GAB2: variants seen among roughly 807,000 people sequenced by gnomAD.
The protein encoded by GAB2 is GRB2-associated-binding protein 2.
In GAB2, 26 loss-of-function variants were observed where a neutral mutation model predicts 65.5. That is an observed-to-expected ratio of 0.40 (90% CI 0.29 to 0.55). The LOEUF (loss-of-function observed/expected upper bound fraction) is 0.55. Among genes scored for constraint, GAB2 ranks in the 20% least tolerant of loss-of-function variants. The pLI is 0.53. For missense variants in GAB2, 884 were observed against 875.8 expected (o/e 1.01, Z -0.12); for synonymous variants, 321 against 329.6 (o/e 0.97, Z 0.28).
chr11:78,403,176 C>T (rs1856996529), intron 1 of GAB2, among the ~76,000 whole-genome samples: 1 of 152,226 alleles, frequency 6.6e-6, no homozygotes, highest in South Asian at 2.1e-4. Flanking sequence ...TTTGTTATAG[C>T]AGCCTGAATG....
At chr11:78,357,083 G>A (rs2134712173) in intron 1 of GAB2, among the ~76,000 whole-genome samples, 1 of 152,290 alleles carries the variant, frequency 6.6e-6, no homozygotes, top group South Asian at 2.1e-4. Flanking sequence ...GGATGGTGGT[G>A]ATGGTCATGC....
chr11:78,394,051 G>A (rs1286199828), intron 1 of GAB2, among the ~76,000 whole-genome samples: 1 of 152,242 alleles, frequency 6.6e-6, no homozygotes, highest in Non-Finnish European at 1.5e-5. Flanking sequence ...CACTTTGGGA[G>A]GCCGTGGCAG....
At chr11:78,254,866 T>G (rs1865554879) in intron 2 of GAB2, among the ~76,000 whole-genome samples, 1 of 151,958 alleles carries the variant, frequency 6.6e-6, no homozygotes, top group Non-Finnish European at 1.5e-5. Context: ...CAAAGCTGTT[T>G]TGGCACTAAA....
rs1358518147 is a variant in GAB2 at position 78,234,088 on chromosome 11, C to A, written c.621-7037G>T. On this transcript the variant is annotated intron_variant, in intron 3 of 9. Coordinates refer to ENST00000361507, the MANE Select transcript of GAB2 (RefSeq NM_080491.3). ...TTCTTCTAGAAGTTTCTTTTCTTTT[C>A]TTTTTATTTAAATACAGGGTCTTAT... Among the ~76,000 whole-genome samples the A allele has an allele frequency of 2.0e-5, 3 of 152,034 alleles. No individual in the cohort carries two copies. The East Asian group carries it at 5.8e-4, about 29-fold the overall frequency.
intron 1 of GAB2, among the ~76,000 whole-genome samples, chr11:78,297,899 A>C (rs1289458067): frequency 6.6e-6 from 1 of 152,184 alleles, no homozygotes; most frequent in African/African-American, 2.4e-5. Flanking sequence ...CACATTTTAC[A>C]AATGCTTAGA....
At chr11:78,363,041 C>G (rs1856454422) in intron 1 of GAB2, among the ~76,000 whole-genome samples, 1 of 152,086 alleles carries the variant, frequency 6.6e-6, no homozygotes, top group East Asian at 1.9e-4. Context: ...AAACAACCTC[C>G]CAGTAACTAA....
chr11:78,347,250 T>C (rs1856206744), intron 1 of GAB2, among the ~76,000 whole-genome samples: 3 of 152,180 alleles, frequency 2.0e-5, no homozygotes, highest in South Asian at 2.1e-4. Context: ...GTTTCCAACA[T>C]GCTTGCTGTG....
rs545988541 is a variant in GAB2, at chr11:78,355,376, G to A, written c.75+62270C>T. On this transcript the variant is annotated intron_variant, in intron 1 of 9. Coordinates refer to ENST00000361507, the MANE Select transcript of GAB2 (RefSeq NM_080491.3). ...GTTATCAAAAAAGATTCCATGAACA[G>A]GAGAGACAGGAGTGAAATAGTATTT... is the stretch of plus-strand genomic sequence containing the variant. Among the ~76,000 whole-genome samples the A allele has an allele frequency of 1.1e-4, 17 of 152,256 alleles. No individual in the cohort carries two copies. In the South Asian group the frequency reaches 2.7e-3, roughly 24 times the overall value.
intron 1 of GAB2, among the ~76,000 whole-genome samples, chr11:78,407,675 A>AAGAAAGAAAGAGATGGC (rs1555001709): frequency 0.01 from 1,495 of 147,566 alleles, 22 homozygotes; most frequent in African/African-American, 0.037. Flanking sequence ...GAAAGAAAGA[A>AAGAAAGAAAGAGATGGC]AGAAAGAAAG....
intron 1 of GAB2, among the ~76,000 whole-genome samples, chr11:78,391,247 A>T (rs1856830308): frequency 6.6e-6 from 1 of 152,166 alleles, no homozygotes; most frequent in African/African-American, 2.4e-5. Flanking sequence ...ATGAGACGAG[A>T]TCATACCACT....
intron 1 of GAB2, among the ~76,000 whole-genome samples, chr11:78,305,481 G>A (rs1358782499): frequency 2.0e-5 from 3 of 152,180 alleles, no homozygotes; most frequent in African/African-American, 7.2e-5. Flanking sequence ...AGGTGGCACA[G>A]GGAGGCTCCA....
intron 1 of GAB2, among the ~76,000 whole-genome samples, chr11:78,342,054 C>G (rs1856105524): frequency 6.6e-6 from 1 of 152,242 alleles, no homozygotes; most frequent in Non-Finnish European, 1.5e-5. Context: ...AATTATTTAT[C>G]TCCACCTCCC....
intron 1 of GAB2, among the ~76,000 whole-genome samples, chr11:78,401,895 A>AT (rs1415428437): frequency 6.6e-6 from 1 of 152,210 alleles, no homozygotes; most frequent in African/African-American, 2.4e-5. Flanking sequence ...TAATCCAGTG[A>AT]TTAGGACCAC....
At position 78,226,974 on chromosome 11, in the gene GAB2, C is replaced by T. The variant is rs564703513; in HGVS notation, c.698G>A (p.Gly233Asp). The T allele has an allele frequency of 1.2e-6, 2 of 1,613,702 alleles. No homozygotes were observed. Among genetic ancestry groups the T allele is most frequent in the Non-Finnish European group, 1.7e-6 (2 of 1,179,814 alleles). The change falls in exon 4 of 10, where the codon GGC becomes GAC. Residue 233 changes from glycine to aspartate, a missense_variant. Gly to Asp is a moderately conservative substitution (Grantham distance 94). Coordinates refer to ENST00000361507, the MANE Select transcript of GAB2 (RefSeq NM_080491.3). ...SDTAVQKLAQGNGHCVNGISG... is the reference protein window; with the variant it reads ...SDTAVQKLAQDNGHCVNGISG... ...GATCCCGTTGACACAGTGTCCATTG[C>T]CCTGGGCAAGTTTTTGTACAGCTGT... is the stretch of plus-strand genomic sequence containing the variant.
At chr11:78,368,613 T>C (rs1233821455) in intron 1 of GAB2, among the ~76,000 whole-genome samples, 2 of 151,938 alleles carry the variant, frequency 1.3e-5, no homozygotes, top group African/African-American at 4.8e-5. Flanking sequence ...TACTAGTGCA[T>C]ACCAAATGAG....
rs10577079 is a variant in GAB2 at position 78,292,029 on chromosome 11, T to TGTGTGAGAGA, written c.76-11129_76-11128insTCTCTCACAC. On this transcript the variant is annotated intron_variant, in intron 1 of 9. Coordinates refer to ENST00000361507, the MANE Select transcript of GAB2 (RefSeq NM_080491.3). ...GTGTGTGTGTGTGTGTGTGTGTGTG[T>TGTGTGAGAGA]GAGAGAGAGAGAGTCAGTCTTTGTT... 8.5e-5 allele frequency among the ~76,000 whole-genome samples: 9 copies of TGTGTGAGAGA among 106,002 alleles called. No homozygotes were observed. In the South Asian group the frequency reaches 1.5e-3, roughly 18 times the overall value. The allele number at this position is 106,002 out of a possible 152,430, so 69.5% of individuals were successfully genotyped here. A position where few individuals can be genotyped will look rare whatever the true frequency, so the allele number is the denominator to read the frequency against.
intron 1 of GAB2, among the ~76,000 whole-genome samples, chr11:78,407,569 A>AT (rs770868178): frequency 2.0e-5 from 3 of 151,756 alleles, no homozygotes; most frequent in Non-Finnish European, 2.9e-5. Context: ...GGACGCAGAC[A>AT]TTGCAGTGAG....
chr11:78,229,800 C>T (rs367948030), intron 3 of GAB2, among the ~76,000 whole-genome samples: 8 of 152,216 alleles, frequency 5.3e-5, no homozygotes, highest in African/African-American at 1.7e-4. Flanking sequence ...CCCAGTTAGT[C>T]AAGCATTGGG....
At chr11:78,228,675 A>G (rs777479425) in intron 3 of GAB2, among the ~76,000 whole-genome samples, 2 of 152,168 alleles carry the variant, frequency 1.3e-5, no homozygotes, top group Non-Finnish European at 2.9e-5. Context: ...TAGGAATTCC[A>G]GGTCAGTCTC....
Sources: allele counts gnomAD v4.1 joint callset (sites outside exome capture counted in the v4.1 genomes callset), GRCh38; gene constraint gnomAD v4.1.1; transcripts MANE v1.5; gene names NCBI Gene and HGNC (gene_info 2026-07-23, HGNC 2026-07-21).